ADORA2B: variants seen among roughly 807,000 people sequenced by gnomAD.
ADORA2B encodes the protein adenosine receptor A2b.
A neutral mutation model predicts 20.8 loss-of-function variants in ADORA2B; 18 were observed. That is an observed-to-expected ratio of 0.87 (90% CI 0.60 to 1.29). ADORA2B has a LOEUF of 1.29. Ranked by LOEUF, ADORA2B falls within the 50% of genes most tolerant of loss-of-function variation. The pLI, the probability that ADORA2B is intolerant of heterozygous loss-of-function variation, is 0.00. For synonymous variants in ADORA2B, 179 were observed against 178.3 expected (o/e 1.00, Z -0.03); for missense variants, 441 against 422.7 (o/e 1.04, Z -0.38).
intron 1 of ADORA2B, among the ~76,000 whole-genome samples, chr17:15,948,935 C>T (rs1969854825): frequency 6.6e-6 from 1 of 152,112 alleles, no homozygotes; most frequent in Non-Finnish European, 1.5e-5. Flanking sequence ...GGGCCGGGCA[C>T]GGTGGCTCAC....
the ADORA2B span, among the ~76,000 whole-genome samples, chr17:15,914,973 G>A: frequency 6.6e-6 from 1 of 152,152 alleles, no homozygotes; most frequent in South Asian, 2.1e-4. Flanking sequence ...CATTGTATTC[G>A]CTTTCTGTGG....
At position 15,975,389 on chromosome 17, in the gene ADORA2B, CAA is replaced by C. The variant is rs1389988669; in HGVS notation, c.*49_*50del. The C allele has an allele frequency of 3.8e-6, 6 of 1,564,758 alleles. No individual in the cohort carries two copies. The African/African-American group carries it at 5.4e-5, about 14-fold the overall frequency. The stretch of plus-strand genomic sequence containing the variant: ...GGAGAAGATACAAATCCACAAGAAA[CAA>C]AGAGGACACGGCTGGTTTTCATTGT... On this transcript the variant is annotated 3_prime_UTR_variant, in exon 2 of 2. Coordinates refer to ENST00000304222, the MANE Select transcript of ADORA2B (RefSeq NM_000676.4).
chr17:15,890,674 A>T, the ADORA2B span, among the ~76,000 whole-genome samples: 6 of 152,150 alleles, frequency 3.9e-5, no homozygotes, highest in Admixed American at 1.3e-4. Flanking sequence ...TCCTGCAGTG[A>T]TGGCCAGCTC....
intron 1 of ADORA2B, 124 bp downstream of exon 1, chr17:15,945,707 C>G: frequency 3.2e-6 from 3 of 931,934 alleles, no homozygotes; most frequent in Non-Finnish European, 4.7e-6. Context: ...GCGCGGGGCG[C>G]TTGGAGGGCT....
At chr17:15,938,752 C>G in the ADORA2B span, among the ~76,000 whole-genome samples, 1 of 152,192 alleles carries the variant, frequency 6.6e-6, no homozygotes, top group Admixed American at 6.5e-5. Context: ...CAAAAACATG[C>G]CTACATATTT....
the ADORA2B span, among the ~76,000 whole-genome samples, chr17:15,905,539 C>T: frequency 2.4e-3 from 363 of 152,058 alleles, no homozygotes; most frequent in South Asian, 5.4e-3. Context: ...GCCACCAAAC[C>T]CAGCTTTTTT....
chr17:15,863,032 C>T, the ADORA2B span, among the ~76,000 whole-genome samples: 1 of 152,070 alleles, frequency 6.6e-6, no homozygotes, highest in Non-Finnish European at 1.5e-5. Flanking sequence ...TAGATGAAGT[C>T]ATATATTTTA....
chr17:15,867,959 A>G, the ADORA2B span, among the ~76,000 whole-genome samples: 1 of 151,598 alleles, frequency 6.6e-6, no homozygotes, highest in Non-Finnish European at 1.5e-5. Flanking sequence ...AGATTGAGAA[A>G]TCGGATGGTT....
chr17:15,972,658 T>C (rs1293100753), intron 1 of ADORA2B, among the ~76,000 whole-genome samples: 3 of 152,232 alleles, frequency 2.0e-5, no homozygotes, highest in Non-Finnish European at 2.9e-5. Context: ...ATCTGATACA[T>C]GTTGTATCTC....
chr17:15,974,664 T>C lies in ADORA2B; in HGVS notation c.336-15T>C. 6.2e-7 allele frequency: 1 copy of C among 1,605,110 alleles called. No individual in the cohort carries two copies. Among genetic ancestry groups the C allele is most frequent in the Non-Finnish European group, 8.5e-7 (1 of 1,173,982 alleles). ...GCTATAAACTGACCGTAACAGATGG[T>C]ATTCTTTTAAACAGGTATAAAAGTT... is the stretch of plus-strand genomic sequence containing the variant. On this transcript the variant is annotated splice_polypyrimidine_tract_variant and intron_variant, in intron 1 of 1. Transcript: ENST00000304222.
At chr17:15,871,453 T>A in the ADORA2B span, among the ~76,000 whole-genome samples, 1 of 152,130 alleles carries the variant, frequency 6.6e-6, no homozygotes, top group African/African-American at 2.4e-5. Context: ...AGGCCTGGGA[T>A]GGCTCTCCTT....
At chr17:15,858,990 G>A in the ADORA2B span, among the ~76,000 whole-genome samples, 2 of 152,142 alleles carry the variant, frequency 1.3e-5, no homozygotes, top group African/African-American at 4.8e-5. Context: ...CAGAAACTTT[G>A]TTGCTGATTT....
At chr17:15,851,071 G>A in the ADORA2B span, among the ~76,000 whole-genome samples, 11 of 152,074 alleles carry the variant, frequency 7.2e-5, no homozygotes, top group Non-Finnish European at 1.5e-4. Context: ...AATTTATATA[G>A]CCATACTTCT....
At chr17:15,928,276 G>A in the ADORA2B span, among the ~76,000 whole-genome samples, 1 of 152,112 alleles carries the variant, frequency 6.6e-6, no homozygotes, top group African/African-American at 2.4e-5. Flanking sequence ...GAGGAGTTTT[G>A]CTGTAAAGGG....
At chr17:15,890,504 T>G in the ADORA2B span, among the ~76,000 whole-genome samples, 1 of 151,122 alleles carries the variant, frequency 6.6e-6, no homozygotes, top group Non-Finnish European at 1.5e-5. Context: ...TTATTTTTTG[T>G]ATTTTGTGCC....
the ADORA2B span, among the ~76,000 whole-genome samples, chr17:15,878,057 G>T: frequency 1.2e-4 from 19 of 152,070 alleles, no homozygotes; most frequent in Non-Finnish European, 2.5e-4. Context: ...GAATGAGACT[G>T]TGAGTGCATG....
the ADORA2B span, among the ~76,000 whole-genome samples, chr17:15,867,422 C>G: frequency 6.6e-6 from 1 of 151,320 alleles, no homozygotes; most frequent in Non-Finnish European, 1.5e-5. Flanking sequence ...TGAGGAGTGT[C>G]TCTGCCCGGC....
At chr17:15,964,769 A>G (rs1970082795) in intron 1 of ADORA2B, among the ~76,000 whole-genome samples, 2 of 151,488 alleles carry the variant, frequency 1.3e-5, no homozygotes, top group Non-Finnish European at 2.9e-5. Context: ...GAATATTAAA[A>G]AAAAAAATCT....
At chr17:15,851,044 G>A in the ADORA2B span, among the ~76,000 whole-genome samples, 2 of 152,188 alleles carry the variant, frequency 1.3e-5, no homozygotes, top group South Asian at 4.2e-4. Context: ...TTTTGTAAAG[G>A]TTATATAATA....
Sources: allele counts gnomAD v4.1 joint callset (sites outside exome capture counted in the v4.1 genomes callset), GRCh38; gene constraint gnomAD v4.1.1; transcripts MANE v1.5; gene names NCBI Gene and HGNC (gene_info 2026-07-23, HGNC 2026-07-21).